Variants in MAOA observed in about 807,000 individuals in gnomAD.
MAOA encodes monoamine oxidase A.
MAOA carries 6 observed loss-of-function variants against 42.0 expected under a neutral mutation model. The ratio of observed to expected loss-of-function variants is 0.14; its 90% CI spans 0.08 to 0.28. MAOA has a LOEUF of 0.28. Ranked by LOEUF, MAOA falls within the 10% of genes least tolerant of loss-of-function variation. The pLI, the probability that MAOA is intolerant of heterozygous loss-of-function variation, is 1.00. For synonymous variants in MAOA, 140 were observed against 154.0 expected, an observed-to-expected ratio of 0.91 and a Z score of 0.67; for missense variants, 262 against 422.3, an observed-to-expected ratio of 0.62 and a Z score of 3.33.
chrX:43,701,161 T>G (rs1483306654), intron 3 of MAOA, among the ~76,000 whole-genome samples: 1 of 111,697 alleles, frequency 9.0e-6, no homozygotes, highest in Non-Finnish European at 1.9e-5. Context: ...CTTTCATTCT[T>G]TTTTCCCCCT....
At chrX:43,688,901 T>A (rs2033510260) in intron 2 of MAOA, among the ~76,000 whole-genome samples, 1 of 112,156 alleles carries the variant, frequency 8.9e-6, no homozygotes, top group Non-Finnish European at 1.9e-5. Flanking sequence ...TTTAGCATTA[T>A]GTAGTGACAC....
intron 14 of MAOA, 38 bp downstream of exon 14, chrX:43,744,209 C>T: frequency 8.6e-7 from 1 of 1,162,232 alleles, no homozygotes. Flanking sequence ...TCTCCTTAGA[C>T]CAATCATGGA....
At position 43,746,061 on chromosome X, in the gene MAOA, A is replaced by G. The variant is rs1272098400; in HGVS notation, c.*1548A>G. On this transcript the variant is annotated 3_prime_UTR_variant, in exon 15 of 15. Transcript: ENST00000338702. ...GAGAATGTATTGGATACGCTCCAGT[A>G]CATAAGGAGTTGCCGCATATTATAT... The G allele has an allele frequency of 8.9e-6, 1 of 111,884 alleles. No individual in the cohort carries two copies. The highest frequency in any genetic ancestry group is 3.3e-5 in the African/African-American group (1 of 30,752). The allele number at this position is 111,884 out of a possible 1,213,427, so 9.2% of individuals were successfully genotyped here. A position where few individuals can be genotyped will look rare whatever the true frequency, so the allele number is the denominator to read the frequency against.
intron 2 of MAOA, among the ~76,000 whole-genome samples, chrX:43,685,368 A>C (rs749038928): frequency 8.9e-6 from 1 of 111,827 alleles, no homozygotes; most frequent in Non-Finnish European, 1.9e-5. Context: ...CATTGGCTAG[A>C]GTTGAGTCAC....
intron 2 of MAOA, among the ~76,000 whole-genome samples, chrX:43,693,020 C>A (rs956867939): frequency 4.5e-5 from 5 of 111,654 alleles, no homozygotes; most frequent in African/African-American, 1.6e-4. Flanking sequence ...GCAGAACATA[C>A]TACAGTGTTC....
Position 43,711,908 on chromosome X carries a change from G to A in MAOA, c.343G>A (p.Val115Ile), listed in dbSNP as rs1231017846. 1 of 1,207,378 alleles carries A rather than the reference G, an allele frequency of 8.3e-7. No individual in the cohort carries two copies. The highest frequency in any genetic ancestry group is 1.1e-6 in the Non-Finnish European group (1 of 893,148). ...TCCATTTCGGGGCGCCTTTCCACCA[G>A]TATGGAATCCCATTGCATATTTGGA... ...TYPFRGAFPP[V>I]WNPIAYLDYN... The change falls in exon 4 of 15, where the codon GTA becomes ATA. Residue 115 changes from valine to isoleucine, a missense_variant. Val to Ile is a conservative substitution (Grantham distance 29, BLOSUM62 3). This residue lies in a region of MAOA where 141 missense variants were observed against 195.6 expected (regional missense o/e 0.72). Transcript: ENST00000338702.
chrX:43,725,330 T>A (rs1394266970), intron 5 of MAOA, among the ~76,000 whole-genome samples: 2 of 111,943 alleles, frequency 1.8e-5, no homozygotes, highest in East Asian at 5.6e-4. Flanking sequence ...TCTAAGAACT[T>A]GCTTTACGAA....
chrX:43,716,991 A>C (rs946441457), intron 5 of MAOA, among the ~76,000 whole-genome samples: 2 of 110,853 alleles, frequency 1.8e-5, no homozygotes, highest in Non-Finnish European at 3.8e-5. Context: ...ACATTCCAAC[A>C]ATGACACAGA....
In MAOA at chrX:43,744,369, C is replaced by A. The variant is rs367715125; in HGVS notation, c.1440C>A (p.Asp480Glu). The A allele has an allele frequency of 1.1e-5, 13 of 1,210,801 alleles. No individual in the cohort carries two copies. Among genetic ancestry groups the A allele is most frequent in the African/African-American group, 6.9e-5 (4 of 57,608 alleles). ...ATGATCTGTGTTCCTTCATCTAGGA[C>A]GTTCCAGCGGTAGAAATCACCCACA... ...DIWVQEPESK[D>E]VPAVEITHTF... Residue 480 changes from aspartate to glutamate, a missense_variant and splice_region_variant, in exon 15 of 15, where the codon GAC (aspartate) becomes GAA (glutamate). By Grantham distance (45) the Asp-to-Glu change is conservative. Coordinates refer to ENST00000338702, the MANE Select transcript of MAOA (RefSeq NM_000240.4).
At chrX:43,674,361 A>G in intron 1 of MAOA, among the ~76,000 whole-genome samples, 1 of 109,826 alleles carries the variant, frequency 9.1e-6, no homozygotes, top group Middle Eastern at 4.8e-3. Context: ...AGATGGGTTT[A>G]CTGAATACAG....
chrX:43,708,343 G>A (rs2033672833), intron 3 of MAOA, among the ~76,000 whole-genome samples: 1 of 111,280 alleles, frequency 9.0e-6, no homozygotes, highest in African/African-American at 3.3e-5. Flanking sequence ...TCCTTACTGA[G>A]AAGTGGCTTA....
At chrX:43,742,163 A>G in intron 12 of MAOA, 116 bp downstream of exon 12, 1 of 1,099,010 alleles carries the variant, frequency 9.1e-7, no homozygotes, top group South Asian at 2.0e-5. Flanking sequence ...CTTATGTCCT[A>G]GATAATACTT....
chrX:43,667,689 A>G (rs1338870156), intron 1 of MAOA, among the ~76,000 whole-genome samples: 1 of 111,381 alleles, frequency 9.0e-6, no homozygotes. Context: ...GGAAACATAT[A>G]TATGCAGTAC....
chrX:43,734,162 C>A (rs1601948424), intron 9 of MAOA, among the ~76,000 whole-genome samples: 3 of 84,052 alleles, frequency 3.6e-5, no homozygotes, highest in Admixed American at 1.5e-4. Context: ...GGAAGTGGAA[C>A]TCAATATTTT....
At chrX:43,717,880 G>A (rs73625695) in intron 5 of MAOA, among the ~76,000 whole-genome samples, 1,758 of 109,685 alleles carry the variant, frequency 0.016, 34 homozygotes, top group African/African-American at 0.056. Flanking sequence ...GTAGGGAGAT[G>A]GTATCTTCCA....
chrX:43,699,443 A>G (rs2033605538), intron 3 of MAOA, among the ~76,000 whole-genome samples: 1 of 109,568 alleles, frequency 9.1e-6, no homozygotes, highest in South Asian at 3.9e-4. Context: ...CCAGCCAGAA[A>G]TGGAGCAAGG....
intron 6 of MAOA, among the ~76,000 whole-genome samples, chrX:43,728,751 T>C (rs1306693222): frequency 1.8e-5 from 2 of 112,844 alleles, no homozygotes; most frequent in Non-Finnish European, 3.7e-5. Context: ...GTGACTGTTC[T>C]TCCTTCTAAT....
intron 9 of MAOA, among the ~76,000 whole-genome samples, chrX:43,735,333 T>C (rs936818723): frequency 1.8e-5 from 2 of 112,517 alleles, no homozygotes; most frequent in African/African-American, 6.5e-5. Flanking sequence ...TTTGAAAGCT[T>C]TCTAATAATA....
intron 6 of MAOA, among the ~76,000 whole-genome samples, chrX:43,730,020 C>A (rs1260967285): frequency 9.2e-6 from 1 of 108,733 alleles, no homozygotes; most frequent in Non-Finnish European, 1.9e-5. Context: ...ATGATGAAAC[C>A]CCATTTCTGC....
Sources: allele counts gnomAD v4.1 joint callset (sites outside exome capture counted in the v4.1 genomes callset), GRCh38; gene constraint gnomAD v4.1.1; regional missense constraint gnomAD v4.1.1; transcripts MANE v1.5; gene names NCBI Gene and HGNC (gene_info 2026-07-23, HGNC 2026-07-21).